The following USF3 variants were observed in gnomAD, a reference collection of about 807,000 sequenced individuals.
USF3 encodes upstream transcription factor family member 3, also known as basic helix-loop-helix domain-containing protein USF3.
A neutral mutation model predicts 157.5 loss-of-function variants in USF3; 29 were observed. The observed-to-expected ratio is 0.18, with a 90% CI of 0.14 to 0.25. USF3 has a LOEUF of 0.25. Among genes scored for constraint, USF3 ranks in the 10% least tolerant of loss-of-function variants. The pLI is 1.00. For missense variants in USF3, 2,381 were observed against 2,667.6 expected (o/e 0.89, Z 2.37); for synonymous variants, 893 against 941.4 (o/e 0.95, Z 0.94).
chr3:113,673,221 G>T, intron 4 of USF3, 127 bp downstream of exon 4: 1 of 670,922 alleles, frequency 1.5e-6, no homozygotes, highest in Non-Finnish European at 2.6e-6. Context: ...AACAATAAGG[G>T]AACATTTTCC....
intron 1 of USF3, among the ~76,000 whole-genome samples, chr3:113,686,319 C>A (rs765633073): frequency 6.6e-6 from 1 of 152,192 alleles, no homozygotes; most frequent in Non-Finnish European, 1.5e-5. Flanking sequence ...CTCCCTCCCC[C>A]AAGCACAGCG....
rs754810398 is a variant in USF3, at chr3:113,673,420, G to T, written c.48-44C>A. The T allele has an allele frequency of 4.1e-6, 5 of 1,227,114 alleles. No homozygotes were observed. In the African/African-American group the frequency reaches 6.0e-5, roughly 15 times the overall value. The allele number at this position is 1,227,114 out of a possible 1,614,324, so 76.0% of individuals were successfully genotyped here. On this transcript the variant is annotated intron_variant, in intron 3 of 6. Coordinates refer to ENST00000316407, the MANE Select transcript of USF3 (RefSeq NM_001009899.4). ...ATAAAAGGTAACATGAAAATAATGG[G>T]AAAGTATTTTTACCATTTTATACTT... is the stretch of plus-strand genomic sequence containing the variant.
chr3:113,688,176 T>C (rs1472428528), intron 1 of USF3, among the ~76,000 whole-genome samples: 1 of 151,960 alleles, frequency 6.6e-6, no homozygotes, highest in Non-Finnish European at 1.5e-5. Flanking sequence ...TGGAGTGCAA[T>C]GGCACGATCT....
chr3:113,683,759 G>A (rs1176009410), intron 1 of USF3, among the ~76,000 whole-genome samples: 1 of 151,786 alleles, frequency 6.6e-6, no homozygotes, highest in Non-Finnish European at 1.5e-5. Flanking sequence ...GAGCCACCGT[G>A]CCCAGCCCAT....
chr3:113,652,657 T>TA lies in USF3; in HGVS notation c.*2286dup, dbSNP rs200606109. 2,194 of 139,446 alleles carry TA rather than the reference T, an allele frequency of 0.016. 54 individuals carry two copies. The highest frequency in any genetic ancestry group is 0.053 in the African/African-American group (2,060 of 38,674). The allele number at this position is 139,446 out of a possible 1,614,324, so 8.6% of individuals were successfully genotyped here. ...CAACCCTTAGGAAGCTTTTTAGGAT[T>TA]AAAAAAAAAGGGGGGGGCCTGGGAG... On this transcript the variant is annotated 3_prime_UTR_variant, in exon 7 of 7. Coordinates refer to ENST00000316407, the MANE Select transcript of USF3 (RefSeq NM_001009899.4).
rs763716504 is a variant in USF3 at position 113,670,222 on chromosome 3, G to A, written c.77-19C>T. 42 of 1,487,394 alleles carry A rather than the reference G, an allele frequency of 2.8e-5. No homozygotes were observed. The highest frequency in any genetic ancestry group is 1.8e-4 in the African/African-American group (13 of 72,586). The allele number at this position is 1,487,394 out of a possible 1,614,324, so 92.1% of individuals were successfully genotyped here. ...CTCTCCACTAGATGGGAGAAAATTCGTTTATCAAACCTTACACTACTTAGT... is the reference window on the plus strand; with the variant it reads ...CTCTCCACTAGATGGGAGAAAATTCATTTATCAAACCTTACACTACTTAGT... On this transcript the variant is annotated intron_variant, in intron 4 of 6. Transcript: ENST00000316407.
Position 113,657,533 on chromosome 3 carries a change from TGAA to T in USF3, c.4146_4148del (p.Ser1383del), listed in dbSNP as rs769000292. 1.2e-6 allele frequency: 2 copies of T among 1,614,124 alleles called. No individual in the cohort carries two copies. Among genetic ancestry groups the T allele is most frequent in the South Asian group, 2.2e-5 (2 of 91,084 alleles). ...GGTTGCTAACAGGCACAACTGAGTT[TGAA>T]GAATTAGGAGGGATCTGACTGACCA... On this transcript the variant is annotated inframe_deletion, in exon 7 of 7. Transcript: ENST00000316407.
chr3:113,689,455 C>A (rs9830102), intron 1 of USF3, among the ~76,000 whole-genome samples: 48,358 of 152,110 alleles, frequency 0.32, 7,776 homozygotes, highest in Non-Finnish European at 0.35. Flanking sequence ...TCCTATAAAT[C>A]TATAAATCTA....
intron 1 of USF3, among the ~76,000 whole-genome samples, chr3:113,680,488 G>A (rs530754590): frequency 1.3e-5 from 2 of 150,726 alleles, no homozygotes; most frequent in African/African-American, 4.9e-5. Flanking sequence ...TTTATGTCTC[G>A]GTTTGTTGAT....
At chr3:113,672,036 G>T (rs12630833) in intron 4 of USF3, among the ~76,000 whole-genome samples, 45,079 of 151,466 alleles carry the variant, frequency 0.3, 6,871 homozygotes, top group Non-Finnish European at 0.34. Flanking sequence ...CTACCAAAGT[G>T]TTAGAATTAC....
rs548525985 is a variant in USF3 at position 113,693,934 on chromosome 3, A to G, written c.-135+2436T>C. 7.9e-5 allele frequency among the ~76,000 whole-genome samples: 12 copies of G among 152,354 alleles called. No individual in the cohort carries two copies. In the South Asian group the frequency reaches 2.3e-3, roughly 29 times the overall value. ...ACACATGAGTGAGGCCTGATTTAGG[A>G]AAGCCCAGAACACAAGCTTAGCTTT... On this transcript the variant is annotated intron_variant, in intron 1 of 6. Coordinates refer to ENST00000316407, the MANE Select transcript of USF3 (RefSeq NM_001009899.4).
rs904316439 is a variant in USF3, at chr3:113,658,777, T to C, written c.2905A>G (p.Ser969Gly). The change falls in exon 7 of 7, where the codon AGT becomes GGT. Residue 969 changes from serine (S) to glycine (G), a missense_variant. Coordinates refer to ENST00000316407, the MANE Select transcript of USF3 (RefSeq NM_001009899.4). ...TCTACCTCAGAAACACAGTCAGTACTTGTAGTGCTTGTTGTAGATGACAAA... is the reference window on the plus strand; with the variant it reads ...TCTACCTCAGAAACACAGTCAGTACCTGTAGTGCTTGTTGTAGATGACAAA... ...PGLSSTTSTT[S>G]TDCVSEVEII... 1 of 1,614,164 alleles carries C rather than the reference T, an allele frequency of 6.2e-7. No individual in the cohort carries two copies. The highest frequency in any genetic ancestry group is 8.5e-7 in the Non-Finnish European group (1 of 1,180,034).
intron 1 of USF3, among the ~76,000 whole-genome samples, chr3:113,695,966 G>A (rs1015148901): frequency 1.3e-5 from 2 of 152,270 alleles, no homozygotes; most frequent in Non-Finnish European, 2.9e-5. Context: ...GGCAAGGAAA[G>A]AAGGGGAATG....
In USF3 at chr3:113,664,418, G is replaced by C. The variant is rs762547529; in HGVS notation, c.160-9C>G. 1.9e-6 allele frequency: 3 copies of C among 1,541,608 alleles called. No individual in the cohort carries two copies. Among genetic ancestry groups the C allele is most frequent in the Middle Eastern group, 1.8e-4 (1 of 5,634 alleles). On this transcript the variant is annotated splice_polypyrimidine_tract_variant and intron_variant, in intron 5 of 6. Coordinates refer to ENST00000316407, the MANE Select transcript of USF3 (RefSeq NM_001009899.4). ...AGGATCATATTCTTGCTCTGTCCAA[G>C]AAAATTTTAAAAGTTTACAAGTTTC...
In USF3 at chr3:113,659,532, C is replaced by T; in HGVS notation, c.2150G>A (p.Ser717Asn). 1 of 1,614,182 alleles carries T rather than the reference C, an allele frequency of 6.2e-7. No individual in the cohort carries two copies. The change falls in exon 7 of 7, where the codon AGC (serine) becomes AAC (asparagine). Residue 717 changes from serine to asparagine, a missense_variant. This residue lies in a region of USF3 where 1,435 missense variants were observed against 1,550.9 expected (regional missense o/e 0.93). Coordinates refer to ENST00000316407, the MANE Select transcript of USF3 (RefSeq NM_001009899.4). ...TFGALASLNQ[S>N]ISQMAGQSCV... Reference sequence around the variant, plus strand: ...GCTTTGCCCAGCCATCTGTGATATGCTTTGATTGAGGCTGGCCAAAGCACC... The same window carrying T: ...GCTTTGCCCAGCCATCTGTGATATGTTTTGATTGAGGCTGGCCAAAGCACC...
intron 6 of USF3, among the ~76,000 whole-genome samples, chr3:113,663,096 A>C (rs1947511674): frequency 1.3e-5 from 2 of 150,886 alleles, no homozygotes; most frequent in African/African-American, 4.9e-5. Flanking sequence ...ACTGAGAGAA[A>C]AAAAGAGGAT....
At position 113,654,752 on chromosome 3, in the gene USF3, C is replaced by T. The variant is rs1413889254; in HGVS notation, c.*192G>A. The T allele has an allele frequency of 1.1e-5, 6 of 563,784 alleles. No homozygotes were observed. Among genetic ancestry groups the T allele is most frequent in the East Asian group, 3.0e-5 (1 of 33,568 alleles). The allele number at this position is 563,784 out of a possible 1,614,324, so 34.9% of individuals were successfully genotyped here. A position where few individuals can be genotyped will look rare whatever the true frequency, so the allele number is the denominator to read the frequency against. ...AAAAAGTACACCATGCAGTTGAAAA[C>T]GAAAGATAACTTGTTTTCTGACAAC... On this transcript the variant is annotated 3_prime_UTR_variant, in exon 7 of 7. Coordinates refer to ENST00000316407, the MANE Select transcript of USF3 (RefSeq NM_001009899.4).
Position 113,659,045 on chromosome 3 carries a change from A to G in USF3, c.2637T>C (p.Ser879=), listed in dbSNP as rs766539974. The change falls in exon 7 of 7, where the codon TCT becomes TCC. Residue 879 remains serine (S), a synonymous_variant. Coordinates refer to ENST00000316407, the MANE Select transcript of USF3 (RefSeq NM_001009899.4). ...VLSSESLIPE[S]VSKSKSAEKS... The stretch of plus-strand genomic sequence containing the variant: ...TTTCTGCTGACTTAGATTTCGATAC[A>G]GACTCAGGTATTAATGATTCAGAGC... The G allele has an allele frequency of 6.2e-6, 10 of 1,614,164 alleles. No homozygotes were observed. The South Asian group carries it at 9.9e-5, about 16-fold the overall frequency.
At chr3:113,674,420 G>C (rs1431439718) in intron 3 of USF3, among the ~76,000 whole-genome samples, 4 of 151,724 alleles carry the variant, frequency 2.6e-5, no homozygotes, top group African/African-American at 9.7e-5. Context: ...TTGGCTCACT[G>C]CAACCTCTGC....
Sources: gnomAD v4.1 joint callset for allele counts (sites outside exome capture counted in the v4.1 genomes callset) on GRCh38, gnomAD v4.1.1 for gene constraint, gnomAD v4.1.1 regional missense constraint, MANE v1.5 for transcripts, NCBI Gene and HGNC (gene_info 2026-07-23, HGNC 2026-07-21) for gene names.